The following DYNC2H1 variants were observed in gnomAD, a reference collection of about 807,000 sequenced individuals.
DYNC2H1 encodes the protein cytoplasmic dynein 2 heavy chain 1.
In DYNC2H1, 410 loss-of-function variants were observed where a neutral mutation model predicts 570.0. That is an observed-to-expected ratio of 0.72 (90% confidence interval 0.66 to 0.78). DYNC2H1 has a LOEUF of 0.78. Among genes scored for constraint, DYNC2H1 ranks in the 30% least tolerant of loss-of-function variants. The pLI, the probability that DYNC2H1 is intolerant of heterozygous loss-of-function variation, is 0.00. For missense variants in DYNC2H1, 4,865 were observed against 5,046.4 expected, an observed-to-expected ratio of 0.96 and a Z score of 1.09; for synonymous variants, 1,688 against 1,677.6, an observed-to-expected ratio of 1.01 and a Z score of -0.15.
intron 80 of DYNC2H1, among the ~76,000 whole-genome samples, chr11:103,317,130 G>A (rs1026355640): frequency 1.6e-4 from 24 of 152,196 alleles, no homozygotes; most frequent in African/African-American, 5.1e-4. Context: ...TGTGCAGGGC[G>A]AAGGGAGGGG....
Position 103,386,609 on chromosome 11 carries a change from C to A in DYNC2H1, c.12157-13054C>A, listed in dbSNP as rs151065264. Among the ~76,000 whole-genome samples the A allele has an allele frequency of 1.8e-3, 273 of 152,230 alleles. 1 individual carries two copies. Among genetic ancestry groups the A allele is most frequent in the African/African-American group, 6.3e-3 (261 of 41,524 alleles). ...TGGTGTGCTGCACCCATTAACTCAT[C>A]ATGTAACGTTAGATATATCTCCTAA... On this transcript the variant is annotated intron_variant, in intron 83 of 88. Coordinates refer to ENST00000375735, the MANE Select transcript of DYNC2H1 (RefSeq NM_001377.3).
rs779784491 is a variant in DYNC2H1 at position 103,158,312 on chromosome 11, G to A, written c.4128-365G>A. ...ATATACAAAAAAATTAGCTAGGCGC[G>A]GTGGCGGGTGCCTGTATTCCCAGCT... On this transcript the variant is annotated intron_variant, in intron 26 of 88. Coordinates refer to ENST00000375735, the MANE Select transcript of DYNC2H1 (RefSeq NM_001377.3). Among the ~76,000 whole-genome samples the A allele has an allele frequency of 5.9e-5, 9 of 152,268 alleles. No homozygotes were observed. In the South Asian group the frequency reaches 1.7e-3, roughly 28 times the overall value.
intron 77 of DYNC2H1, among the ~76,000 whole-genome samples, chr11:103,306,121 CAGG>C (rs1431175820): frequency 1.3e-5 from 2 of 152,120 alleles, no homozygotes; most frequent in African/African-American, 4.8e-5. Context: ...CATTGTTGGC[CAGG>C]CTGGTCTCGA....
intron 81 of DYNC2H1, among the ~76,000 whole-genome samples, chr11:103,323,241 A>C (rs1938304737): frequency 6.6e-6 from 1 of 152,180 alleles, no homozygotes; most frequent in African/African-American, 2.4e-5. Flanking sequence ...TAAAGTCATG[A>C]GTGAGTAACT....
chr11:103,256,102 A>G lies in DYNC2H1; in HGVS notation c.10327-4A>G, dbSNP rs1424975486. The G allele has an allele frequency of 2.5e-6, 4 of 1,596,530 alleles. No individual in the cohort carries two copies. The highest frequency in any genetic ancestry group is 1.7e-5 in the Admixed American group (1 of 58,234). On this transcript the variant is annotated splice_region_variant and splice_polypyrimidine_tract_variant and intron_variant, in intron 67 of 88. Coordinates refer to ENST00000375735, the MANE Select transcript of DYNC2H1 (RefSeq NM_001377.3). This position sits in a 1 kb window ranked among gnomAD's most constrained non-coding sequence, Gnocchi z 4.0. ...AATATTCATATTGTTAACTTTCCCTACAGACACTTGCCACATCTCAAGGCA... is the reference window on the plus strand; with the variant it reads ...AATATTCATATTGTTAACTTTCCCTGCAGACACTTGCCACATCTCAAGGCA...
chr11:103,158,646 A>G (rs1470056693), intron 26 of DYNC2H1, 31 bp from the exon 27 acceptor site: 2 of 1,497,466 alleles, frequency 1.3e-6, no homozygotes, highest in Non-Finnish European at 1.8e-6. Context: ...TTGTTAAAGT[A>G]GATGTGAAGA....
At chr11:103,236,162 T>C (rs1400571023) in intron 62 of DYNC2H1, among the ~76,000 whole-genome samples, 1 of 151,992 alleles carries the variant, frequency 6.6e-6, no homozygotes, top group Non-Finnish European at 1.5e-5. Flanking sequence ...TTTAAAATTC[T>C]TTGTGATGTT....
chr11:103,227,208 T>A (rs1863834803), intron 59 of DYNC2H1, among the ~76,000 whole-genome samples: 1 of 152,066 alleles, frequency 6.6e-6, no homozygotes, highest in Non-Finnish European at 1.5e-5. Flanking sequence ...TTCGTTATTT[T>A]TTTTTTCTGT....
chr11:103,271,722 G>A (rs1009771045), intron 70 of DYNC2H1, among the ~76,000 whole-genome samples: 9 of 152,092 alleles, frequency 5.9e-5, no homozygotes, highest in African/African-American at 2.2e-4. Flanking sequence ...CAACAATTCT[G>A]TTATACAGAG....
intron 46 of DYNC2H1, 85 bp downstream of exon 46, chr11:103,191,704 A>G (rs544719264): frequency 3.4e-6 from 2 of 587,618 alleles, no homozygotes; most frequent in East Asian, 6.9e-5. Context: ...GATAAGTTAA[A>G]TGCGTATTAT....
intron 74 of DYNC2H1, among the ~76,000 whole-genome samples, chr11:103,287,027 C>T (rs560497443): frequency 2.0e-5 from 3 of 152,256 alleles, no homozygotes; most frequent in African/African-American, 7.2e-5. Flanking sequence ...TCAGTAGTCC[C>T]AGCTACTTGG....
rs1342887271 is a variant in DYNC2H1, at chr11:103,304,737, G to A, written c.11382+17G>A. The A allele has an allele frequency of 6.4e-7, 1 of 1,562,378 alleles. No individual in the cohort carries two copies. The highest frequency in any genetic ancestry group is 8.6e-7 in the Non-Finnish European group (1 of 1,159,110). ...CTGGAAAAGGTAGATTCAGATAAAT[G>A]TACAAATAATATCTATTATACTCAA... On this transcript the variant is annotated intron_variant, in intron 77 of 88. Coordinates refer to ENST00000375735, the MANE Select transcript of DYNC2H1 (RefSeq NM_001377.3).
In DYNC2H1 at chr11:103,289,421, A is replaced by C. The variant is rs771364172; in HGVS notation, c.11095+1816A>C. Reference sequence around the variant, plus strand: ...CAAGGTCAGCTTAAAGGCTAGAAGCAAGATGGAGTCGGTTAGGTCTGATCT... The same window carrying C: ...CAAGGTCAGCTTAAAGGCTAGAAGCCAGATGGAGTCGGTTAGGTCTGATCT... On this transcript the variant is annotated intron_variant, in intron 75 of 88. Coordinates refer to ENST00000375735, the MANE Select transcript of DYNC2H1 (RefSeq NM_001377.3). The surrounding 1 kb of genome is among the most constrained non-coding windows in gnomAD (Gnocchi z 4.2). Among the ~76,000 whole-genome samples, 1 of 152,216 alleles carries C rather than the reference A, an allele frequency of 6.6e-6. No homozygotes were observed. The highest frequency in any genetic ancestry group is 1.5e-5 in the Non-Finnish European group (1 of 68,040).
At chr11:103,394,950 CA>C (rs1306270635) in intron 83 of DYNC2H1, among the ~76,000 whole-genome samples, 1 of 151,984 alleles carries the variant, frequency 6.6e-6, no homozygotes, top group African/African-American at 2.4e-5. Flanking sequence ...TCACCAAACT[CA>C]AAATGCTGTT....
At chr11:103,178,415 T>A (rs1179798099) in intron 38 of DYNC2H1, among the ~76,000 whole-genome samples, 1 of 152,116 alleles carries the variant, frequency 6.6e-6, no homozygotes, top group Non-Finnish European at 1.5e-5. Flanking sequence ...TTTTTCTATA[T>A]AATACCACAT....
At position 103,166,716 on chromosome 11, in the gene DYNC2H1, AC is replaced by A. The variant is rs549408501; in HGVS notation, c.4762+669del. ...GAGTTGTTATTCTTCTATAAGTAAT[AC>A]ATTACTTTTTTTTTCTGGCAGCATT... On this transcript the variant is annotated intron_variant, in intron 31 of 88. Transcript: ENST00000375735. 2.7e-3 allele frequency among the ~76,000 whole-genome samples: 404 copies of A among 152,216 alleles called. 2 individuals carry two copies. The highest frequency in any genetic ancestry group is 4.1e-3 in the Non-Finnish European group (281 of 68,012).
intron 47 of DYNC2H1, among the ~76,000 whole-genome samples, chr11:103,193,704 C>G (rs887937410): frequency 6.6e-6 from 1 of 151,812 alleles, no homozygotes; most frequent in Non-Finnish European, 1.5e-5. Context: ...CCACCACGCC[C>G]GACTAATTTT....
chr11:103,461,022 A>T lies in DYNC2H1; in HGVS notation c.12648+4666A>T, dbSNP rs1362987695. 5.3e-5 allele frequency among the ~76,000 whole-genome samples: 8 copies of T among 152,198 alleles called. No individual in the cohort carries two copies. The highest frequency in any genetic ancestry group is 1.5e-5 in the Non-Finnish European group (1 of 68,038). ...CTTTAATTTTAAAAGCCATCTCTACATATGAGATTTAAGATAACTCGACAG... is the reference window on the plus strand; with the variant it reads ...CTTTAATTTTAAAAGCCATCTCTACTTATGAGATTTAAGATAACTCGACAG... On this transcript the variant is annotated intron_variant, in intron 87 of 88. Transcript: ENST00000375735. This position sits in a 1 kb window ranked among gnomAD's most constrained non-coding sequence, Gnocchi z 4.8.
At chr11:103,400,634 G>A (rs1199356002) in intron 84 of DYNC2H1, among the ~76,000 whole-genome samples, 2 of 151,558 alleles carry the variant, frequency 1.3e-5, no homozygotes, top group African/African-American at 2.4e-5. Flanking sequence ...ATATTTCAGT[G>A]GAGTGCTATA....
Sources: allele counts gnomAD v4.1 joint callset (sites outside exome capture counted in the v4.1 genomes callset), GRCh38; gene constraint gnomAD v4.1.1; non-coding constraint Gnocchi (gnomAD v3.1); transcripts MANE v1.5; gene names NCBI Gene and HGNC (gene_info 2026-07-23, HGNC 2026-07-21).